The following GPR107 variants were observed in gnomAD, a reference collection of about 807,000 sequenced individuals.
GPR107 encodes G protein-coupled receptor 107, also known as protein GPR107.
GPR107 carries 31 observed loss-of-function variants against 75.5 expected under a neutral mutation model. That is an observed-to-expected ratio of 0.41 (90% CI 0.31 to 0.55). GPR107 has a LOEUF of 0.55. Among genes scored for constraint, GPR107 ranks in the 20% least tolerant of loss-of-function variants. GPR107 has a pLI of 0.26. For synonymous variants in GPR107, 267 were observed against 251.3 expected, an observed-to-expected ratio of 1.06 and a Z score of -0.59; for missense variants, 572 against 665.7, an observed-to-expected ratio of 0.86 and a Z score of 1.55.
At chr9:130,065,766 C>CAA (rs34927308) in intron 1 of GPR107, among the ~76,000 whole-genome samples, 3 of 61,054 alleles carry the variant, frequency 4.9e-5, no homozygotes, top group African/African-American at 1.3e-4. Flanking sequence ...GACCCTGTCT[C>CAA]AAAAAAAAAA....
intron 14 of GPR107, among the ~76,000 whole-genome samples, chr9:130,109,297 A>G (rs925484898): frequency 3.9e-5 from 6 of 152,004 alleles, no homozygotes; most frequent in African/African-American, 1.4e-4. Context: ...CAGCCTCCCA[A>G]GTAGCTGGGA....
chr9:130,093,452 C>G (rs957029101), intron 9 of GPR107, among the ~76,000 whole-genome samples: 3 of 151,980 alleles, frequency 2.0e-5, no homozygotes, highest in South Asian at 4.1e-4. Context: ...CCTGAAATAC[C>G]TCTTTCTCTG....
rs576243975 is a variant in GPR107, at chr9:130,087,668, T to C, written c.621+1192T>C. Among the ~76,000 whole-genome samples the C allele has an allele frequency of 1.4e-3, 213 of 152,034 alleles. 1 individual carries two copies. Among genetic ancestry groups the C allele is most frequent in the South Asian group, 2.9e-3 (14 of 4,812 alleles). On this transcript the variant is annotated intron_variant, in intron 7 of 17. Transcript: ENST00000347136. ...AATTACAAAAAGTAGCCAGGTGTGA[T>C]GGCATGTGCCTCTAGTCCCAGCTAC...
chr9:130,075,822 A>T lies in GPR107; in HGVS notation c.255+73A>T, dbSNP rs923645364. 1.4e-4 allele frequency: 102 copies of T among 728,232 alleles called. 2 individuals carry two copies. The highest frequency in any genetic ancestry group is 3.3e-4 in the Middle Eastern group (1 of 3,002). 45.1% of individuals were successfully genotyped at this position (728,232 alleles called of 1,614,324 possible). ...TTTTGAGATGGAGTCTTGCTCTGTC[A>T]CCCAGGCTGGAGTGCGGTGGCGCAA... On this transcript the variant is annotated intron_variant, in intron 2 of 17. Transcript: ENST00000347136.
chr9:130,108,257 AGT>A (rs1831207240), intron 14 of GPR107, among the ~76,000 whole-genome samples: 1 of 152,228 alleles, frequency 6.6e-6, no homozygotes, highest in African/African-American at 2.4e-5. Flanking sequence ...TCGTACACCC[AGT>A]GTGGATATTA....
intron 7 of GPR107, among the ~76,000 whole-genome samples, chr9:130,089,822 C>T (rs1407568): frequency 0.067 from 10,168 of 152,198 alleles, 396 homozygotes; most frequent in Middle Eastern, 0.12. Flanking sequence ...CATTCCAGCT[C>T]ATGTGTTCTT....
At chr9:130,130,863 T>G (rs1554898939) in intron 17 of GPR107, among the ~76,000 whole-genome samples, 9 of 104,578 alleles carry the variant, frequency 8.6e-5, no homozygotes, top group Non-Finnish European at 1.6e-4. Flanking sequence ...AGAGTGAAAC[T>G]CCGTCTCAAA....
At chr9:130,116,136 A>G (rs1831423952) in intron 14 of GPR107, among the ~76,000 whole-genome samples, 1 of 152,200 alleles carries the variant, frequency 6.6e-6, no homozygotes, top group Admixed American at 6.5e-5. Flanking sequence ...CCGGCTGAGA[A>G]GCAGTCTTGT....
intron 9 of GPR107, among the ~76,000 whole-genome samples, chr9:130,093,780 A>C (rs541967074): frequency 6.6e-6 from 1 of 151,462 alleles, no homozygotes; most frequent in African/African-American, 2.4e-5. Context: ...TGTGAGTTTG[A>C]GACCAGCTTG....
At chr9:130,085,217 T>C (rs1225296252) in intron 6 of GPR107, among the ~76,000 whole-genome samples, 1 of 152,066 alleles carries the variant, frequency 6.6e-6, no homozygotes, top group East Asian at 1.9e-4. Flanking sequence ...AGGACACAGT[T>C]GTGAGAATAC....
intron 1 of GPR107, among the ~76,000 whole-genome samples, chr9:130,065,116 A>G (rs1378892794): frequency 6.6e-6 from 1 of 152,150 alleles, no homozygotes; most frequent in Non-Finnish European, 1.5e-5. Flanking sequence ...TTATTACTTT[A>G]TTTTTGAGTA....
intron 1 of GPR107, among the ~76,000 whole-genome samples, chr9:130,073,922 AT>A (rs1165784118): frequency 3.9e-5 from 6 of 152,024 alleles, no homozygotes; most frequent in Non-Finnish European, 1.5e-5. Flanking sequence ...TGCCCGGCTA[AT>A]TTTTTTGTAT....
chr9:130,076,399 T>C lies in GPR107; in HGVS notation c.256-13T>C, dbSNP rs1354039813. The C allele has an allele frequency of 6.7e-7, 1 of 1,489,382 alleles. No homozygotes were observed. The highest frequency in any genetic ancestry group is 9.4e-7 in the Non-Finnish European group (1 of 1,066,510). 92.3% of individuals were successfully genotyped at this position (1,489,382 alleles called of 1,614,324 possible). A position where few individuals can be genotyped will look rare whatever the true frequency, so the allele number is the denominator to read the frequency against. On this transcript the variant is annotated splice_polypyrimidine_tract_variant and intron_variant, in intron 2 of 17. Transcript: ENST00000347136. ...TGTAGATATTTACTTCTACTGTTTTTACTCCCCATTAGATTGGATTTAGCC... is the reference window on the plus strand; with the variant it reads ...TGTAGATATTTACTTCTACTGTTTTCACTCCCCATTAGATTGGATTTAGCC...
chr9:130,109,390 C>G (rs1375202415), intron 14 of GPR107, among the ~76,000 whole-genome samples: 1 of 152,000 alleles, frequency 6.6e-6, no homozygotes, highest in Admixed American at 6.6e-5. Context: ...AGGCTGGTCT[C>G]GAACTCCTGA....
chr9:130,066,363 CATTG>C lies in GPR107; in HGVS notation c.142-9269_142-9266del, dbSNP rs373739784. Among the ~76,000 whole-genome samples the C allele has an allele frequency of 3.9e-3, 568 of 147,372 alleles. 6 individuals are homozygous for C. The highest frequency in any genetic ancestry group is 0.011 in the African/African-American group (433 of 40,216). On this transcript the variant is annotated intron_variant, in intron 1 of 17. Coordinates refer to ENST00000347136, the MANE Select transcript of GPR107 (RefSeq NM_020960.5). ...AAGAGGATTTTCCTCATCTCGTTCC[CATTG>C]ATTATTATGATTGCGCATTGATGAT...
chr9:130,070,320 T>C (rs755506564), intron 1 of GPR107, among the ~76,000 whole-genome samples: 2 of 152,144 alleles, frequency 1.3e-5, no homozygotes, highest in African/African-American at 2.4e-5. Context: ...ATTATTTATT[T>C]TGAGACAGAG....
intron 1 of GPR107, among the ~76,000 whole-genome samples, chr9:130,068,089 G>A (rs1230851048): frequency 6.7e-6 from 1 of 150,274 alleles, no homozygotes; most frequent in Non-Finnish European, 1.5e-5. Context: ...TTCTGTATTA[G>A]TAGAGAAATT....
At chr9:130,073,113 A>G (rs1830251238) in intron 1 of GPR107, among the ~76,000 whole-genome samples, 1 of 152,124 alleles carries the variant, frequency 6.6e-6, no homozygotes, top group Non-Finnish European at 1.5e-5. Context: ...CTCCGTCACC[A>G]CAGATGATTT....
chr9:130,127,480 C>T lies in GPR107; in HGVS notation c.1357-3C>T. 1 of 1,511,014 alleles carries T rather than the reference C, an allele frequency of 6.6e-7. No homozygotes were observed. The highest frequency in any genetic ancestry group is 9.2e-7 in the Non-Finnish European group (1 of 1,087,044). 93.6% of individuals were successfully genotyped at this position (1,511,014 alleles called of 1,614,324 possible). ...ATTTCCTGTTTCTTTCCTCCTCATG[C>T]AGATTGTGTGTTACATATACTTCAC... On this transcript the variant is annotated splice_polypyrimidine_tract_variant and splice_region_variant and intron_variant, in intron 15 of 17. Coordinates refer to ENST00000347136, the MANE Select transcript of GPR107 (RefSeq NM_020960.5).
Sources: gnomAD v4.1 joint callset for allele counts (sites outside exome capture counted in the v4.1 genomes callset) on GRCh38, gnomAD v4.1.1 for gene constraint, MANE v1.5 for transcripts, NCBI Gene and HGNC (gene_info 2026-07-23, HGNC 2026-07-21) for gene names.